FMNL3: variants seen among roughly 807,000 people sequenced by gnomAD.
FMNL3 encodes the protein formin-like protein 3.
In FMNL3, 57 loss-of-function variants were observed where a neutral mutation model predicts 119.6. The observed-to-expected ratio is 0.48, with a 90% CI of 0.39 to 0.59. FMNL3 has a LOEUF of 0.59. Among genes scored for constraint, FMNL3 ranks in the 20% least tolerant of loss-of-function variants. The pLI is 0.00. For synonymous variants in FMNL3, 491 were observed against 507.3 expected, an observed-to-expected ratio of 0.97 and a Z score of 0.43; for missense variants, 1,053 against 1,323.5, an observed-to-expected ratio of 0.80 and a Z score of 3.17.
chr12:49,658,022 G>C (rs529834179), intron 6 of FMNL3, among the ~76,000 whole-genome samples: 1 of 152,130 alleles, frequency 6.6e-6, no homozygotes, highest in Non-Finnish European at 1.5e-5. Flanking sequence ...GGTGGGAGCT[G>C]GTCTCCAAGC....
chr12:49,654,445 C>A (rs1169065605), intron 10 of FMNL3, 143 bp from the exon 11 acceptor site: 3 of 600,642 alleles, frequency 5.0e-6, no homozygotes, highest in Non-Finnish European at 8.8e-6. Flanking sequence ...TTTATGGGGG[C>A]AATAAGAGTA....
At chr12:49,700,845 C>G (rs375832186) in intron 1 of FMNL3, among the ~76,000 whole-genome samples, 1 of 151,036 alleles carries the variant, frequency 6.6e-6, no homozygotes, top group South Asian at 2.1e-4. Context: ...TTTGGGAGGC[C>G]GAGGTGGGTA....
At position 49,637,340 on chromosome 12, in the gene FMNL3, C is replaced by A; in HGVS notation, c.*8475G>T. On this transcript the variant is annotated 3_prime_UTR_variant, in exon 26 of 26. Transcript: ENST00000335154. ...TTCCATCTGCATCTCTTCATCTCTG[C>A]CTCTCTTGCCTGCATTTCCTCAATC... 2 of 642,502 alleles carry A rather than the reference C, an allele frequency of 3.1e-6. No homozygotes were observed. The highest frequency in any genetic ancestry group is 2.8e-6 in the Non-Finnish European group (1 of 360,950). 39.8% of individuals were successfully genotyped at this position (642,502 alleles called of 1,614,324 possible).
intron 1 of FMNL3, among the ~76,000 whole-genome samples, chr12:49,673,869 C>T (rs929287962): frequency 1.3e-5 from 2 of 152,230 alleles, no homozygotes; most frequent in African/African-American, 4.8e-5. Flanking sequence ...CCTTCTAACT[C>T]CCCTCAAAAC....
In FMNL3 at chr12:49,649,152, C is replaced by G. The variant is rs751351631; in HGVS notation, c.2392G>C (p.Asp798His). The G allele has an allele frequency of 6.2e-7, 1 of 1,612,586 alleles. No homozygotes were observed. Residue 798 changes from aspartate to histidine, a missense_variant, in exon 21 of 26, where the codon GAT becomes CAT. By Grantham distance (81) the Asp-to-His change is moderately conservative. Around this residue, in one of 4 missense-constraint regions of FMNL3, gnomAD observed 324 missense variants for 380.9 expected, o/e 0.85. Coordinates refer to ENST00000335154, the MANE Select transcript of FMNL3 (RefSeq NM_175736.5). The surrounding 1 kb of genome is among the most constrained non-coding windows in gnomAD (Gnocchi z 5.6). ...ATCTTCCGGTCAGTGGACTTGGTAT[C>G]CAGCAGCTAGGAGAGGGGGTGAGGG... Reference protein sequence around the residue: ...FKLQSLDLLLDTKSTDRKMTL... With the variant: ...FKLQSLDLLLHTKSTDRKMTL...
At position 49,642,446 on chromosome 12, in the gene FMNL3, CCA is replaced by C; in HGVS notation, c.*3367_*3368del. 1 of 1,574,438 alleles carries C rather than the reference CCA, an allele frequency of 6.4e-7. No homozygotes were observed. Among genetic ancestry groups the C allele is most frequent in the South Asian group, 1.1e-5 (1 of 89,820 alleles). On this transcript the variant is annotated 3_prime_UTR_variant, in exon 26 of 26. Transcript: ENST00000335154. The surrounding 1 kb of genome is among the most constrained non-coding windows in gnomAD (Gnocchi z 5.8). ...GGTGCTTCACCACTGAGGGCCCACC[CCA>C]GTCACGTCACAGCCCTGGGCCAGCT...
intron 8 of FMNL3, 129 bp from the exon 9 acceptor site, chr12:49,656,626 G>T: frequency 1.1e-6 from 1 of 930,664 alleles, no homozygotes; most frequent in Non-Finnish European, 1.6e-6. Context: ...GAGGGTGGGA[G>T]AAAGAGGGCT....
At chr12:49,672,983 A>G (rs1439081840) in intron 1 of FMNL3, among the ~76,000 whole-genome samples, 2 of 152,222 alleles carry the variant, frequency 1.3e-5, no homozygotes, top group African/African-American at 4.8e-5. Flanking sequence ...CCTGGGAAAG[A>G]AACTGGAGGC....
At position 49,668,459 on chromosome 12, in the gene FMNL3, C is replaced by T. The variant is rs376128061; in HGVS notation, c.210+12G>A. Reference sequence around the variant, plus strand: ...AACTCCCTACCTCCCTCCTCTTTCCCAAACCCCATACCTGGTCACAGATCA... The same window carrying T: ...AACTCCCTACCTCCCTCCTCTTTCCTAAACCCCATACCTGGTCACAGATCA... On this transcript the variant is annotated intron_variant, in intron 2 of 25. Coordinates refer to ENST00000335154, the MANE Select transcript of FMNL3 (RefSeq NM_175736.5). 6.8e-6 allele frequency: 11 copies of T among 1,613,434 alleles called. No individual in the cohort carries two copies. The highest frequency in any genetic ancestry group is 2.7e-5 in the African/African-American group (2 of 74,904).
rs1239261289 is a variant in FMNL3 at position 49,645,921 on chromosome 12, G to A, written c.2996-18C>T. 1 of 1,608,382 alleles carries A rather than the reference G, an allele frequency of 6.2e-7. No individual in the cohort carries two copies. The highest frequency in any genetic ancestry group is 1.7e-5 in the Admixed American group (1 of 59,344). ...GTGGAGGCCTGTGGGGGAAGAGAGAGACCTGTGAACAGGATGGGAGGGTGA... is the reference window on the plus strand; with the variant it reads ...GTGGAGGCCTGTGGGGGAAGAGAGAAACCTGTGAACAGGATGGGAGGGTGA... On this transcript the variant is annotated intron_variant, in intron 25 of 25. Transcript: ENST00000335154.
intron 1 of FMNL3, among the ~76,000 whole-genome samples, chr12:49,700,888 C>T (rs1440736482): frequency 6.6e-6 from 1 of 151,444 alleles, no homozygotes; most frequent in African/African-American, 2.4e-5. Flanking sequence ...ACCAGCCTGG[C>T]CAACATGGTG....
Position 49,643,528 on chromosome 12 carries a change from T to G in FMNL3, c.*2287A>C. On this transcript the variant is annotated 3_prime_UTR_variant, in exon 26 of 26. Transcript: ENST00000335154. ...CTGCACCTGTGGAAGTAGAAAGAAC[T>G]TCCTCTACCTGCCCAAGCAAGAAGC... The G allele has an allele frequency of 2.2e-6, 3 of 1,378,196 alleles. No individual in the cohort carries two copies. The highest frequency in any genetic ancestry group is 2.9e-6 in the Non-Finnish European group (3 of 1,021,328). 85.4% of individuals were successfully genotyped at this position (1,378,196 alleles called of 1,614,324 possible).
At chr12:49,688,307 G>A (rs1944518866) in intron 1 of FMNL3, 1 of 426,796 alleles carries the variant, frequency 2.3e-6, no homozygotes, top group Admixed American at 2.5e-5. Context: ...CCATAAGGGA[G>A]ACAGATTCCA....
At chr12:49,701,860 T>G (rs896584229) in intron 1 of FMNL3, among the ~76,000 whole-genome samples, 2 of 151,662 alleles carry the variant, frequency 1.3e-5, no homozygotes, top group Admixed American at 1.3e-4. Flanking sequence ...GAGGCAGAGG[T>G]TGCAGTGAGC....
At position 49,638,313 on chromosome 12, in the gene FMNL3, T is replaced by C. The variant is rs1010618984; in HGVS notation, c.*7502A>G. The C allele has an allele frequency of 6.5e-6, 1 of 153,758 alleles. No homozygotes were observed. Among genetic ancestry groups the C allele is most frequent in the East Asian group, 1.9e-4 (1 of 5,226 alleles). The allele number at this position is 153,758 out of a possible 1,614,324, so 9.5% of individuals were successfully genotyped here. The stretch of plus-strand genomic sequence containing the variant: ...CATTTTAAAACCAGGAAACTTCACA[T>C]AGAAAATCTGAATCTTTAGCTTCTC... On this transcript the variant is annotated 3_prime_UTR_variant, in exon 26 of 26. Coordinates refer to ENST00000335154, the MANE Select transcript of FMNL3 (RefSeq NM_175736.5).
At chr12:49,662,697 C>T (rs1348855773) in intron 4 of FMNL3, among the ~76,000 whole-genome samples, 1 of 152,198 alleles carries the variant, frequency 6.6e-6, no homozygotes, top group East Asian at 1.9e-4. Flanking sequence ...TCTATGACCA[C>T]TCAGAGTCAA....
chr12:49,656,021 C>T (rs942936122), intron 9 of FMNL3, among the ~76,000 whole-genome samples: 1 of 152,134 alleles, frequency 6.6e-6, no homozygotes, highest in African/African-American at 2.4e-5. Flanking sequence ...AATGGGTTCA[C>T]CGCATCAGAC....
chr12:49,649,765 C>G lies in FMNL3; in HGVS notation c.2161G>C (p.Glu721Gln). 3 of 1,614,192 alleles carry G rather than the reference C, an allele frequency of 1.9e-6. No homozygotes were observed. The highest frequency in any genetic ancestry group is 2.5e-6 in the Non-Finnish European group (3 of 1,180,028). The change falls in exon 18 of 26, where the codon GAA becomes CAA. Residue 721 changes from glutamate (E) to glutamine (Q), a missense_variant. Physicochemically the swap from Glu to Gln is conservative, Grantham distance 29. Coordinates refer to ENST00000335154, the MANE Select transcript of FMNL3 (RefSeq NM_175736.5). This position sits in a 1 kb window ranked among gnomAD's most constrained non-coding sequence, Gnocchi z 5.6. Reference protein sequence around the residue: ...DRFMLLFSKVERLTQRMAGMA... With the variant: ...DRFMLLFSKVQRLTQRMAGMA... ...CCAGCCATTCGCTGGGTCAACCGTT[C>G]CACCTTGCTGAAGAGCAGCATGAAG...
chr12:49,645,509 A>G lies in FMNL3; in HGVS notation c.*306T>C, dbSNP rs531467748. 13 of 353,350 alleles carry G rather than the reference A, an allele frequency of 3.7e-5. 1 individual carries two copies. In the South Asian group the frequency reaches 4.7e-4, roughly 13 times the overall value. 21.9% of individuals were successfully genotyped at this position (353,350 alleles called of 1,614,324 possible). A position where few individuals can be genotyped will look rare whatever the true frequency, so the allele number is the denominator to read the frequency against. ...TCTCATCCCTCTGGGCTCTAGTGGGAGAGATCTATGTGCCCTGTTTAGGCT... is the reference window on the plus strand; with the variant it reads ...TCTCATCCCTCTGGGCTCTAGTGGGGGAGATCTATGTGCCCTGTTTAGGCT... On this transcript the variant is annotated 3_prime_UTR_variant, in exon 26 of 26. Transcript: ENST00000335154.
Sources: gnomAD v4.1 joint callset for allele counts (sites outside exome capture counted in the v4.1 genomes callset) on GRCh38, gnomAD v4.1.1 for gene constraint, gnomAD v4.1.1 regional missense constraint, Gnocchi (gnomAD v3.1) non-coding constraint, MANE v1.5 for transcripts, NCBI Gene and HGNC (gene_info 2026-07-23, HGNC 2026-07-21) for gene names.